Variants in C18orf32 observed in about 807,000 individuals in gnomAD.
The protein encoded by C18orf32 is chromosome 18 open reading frame 32, also known as UPF0729 protein C18orf32.
Under a neutral mutation model 7.4 loss-of-function variants are expected in C18orf32, and 5 were observed. That is an observed-to-expected ratio of 0.68 (90% CI 0.35 to 1.42). The LOEUF is 1.42. Ranked by LOEUF, C18orf32 falls within the 40% of genes most tolerant of loss-of-function variation. The pLI is 0.04. For synonymous variants in C18orf32, 30 were observed against 29.3 expected, an observed-to-expected ratio of 1.02 and a Z score of -0.08; for missense variants, 88 against 92.4, an observed-to-expected ratio of 0.95 and a Z score of 0.19.
intron 2 of C18orf32, 37 bp downstream of exon 2, chr18:49,483,547 T>G: frequency 1.3e-6 from 2 of 1,542,626 alleles, no homozygotes; most frequent in Non-Finnish European, 1.7e-6. Context: ...ACCACCCCCT[T>G]TCACTGCTCT....
rs2156499 is a variant in C18orf32, at chr18:49,480,864, G to A, written c.*1481C>T. The A allele has an allele frequency of 0.24, 36,631 of 151,996 alleles. 5,004 individuals are homozygous for A. The highest frequency in any genetic ancestry group is 0.37 in the Admixed American group (5,689 of 15,280). 9.4% of individuals were successfully genotyped at this position (151,996 alleles called of 1,614,324 possible). A position where few individuals can be genotyped will look rare whatever the true frequency, so the allele number is the denominator to read the frequency against. On this transcript the variant is annotated 3_prime_UTR_variant, in exon 3 of 3. Transcript: ENST00000318240. Reference sequence around the variant, plus strand: ...GGTTACACACAAAATCAACTGGGGCGGACTCTGGATGCACTGCCTATGAAT... The same window carrying A: ...GGTTACACACAAAATCAACTGGGGCAGACTCTGGATGCACTGCCTATGAAT...
Position 49,482,178 on chromosome 18 carries a change from C to A in C18orf32, c.*167G>T. 1 of 608,922 alleles carries A rather than the reference C, an allele frequency of 1.6e-6. No individual in the cohort carries two copies. Among genetic ancestry groups the A allele is most frequent in the South Asian group, 2.0e-5 (1 of 51,204 alleles). 37.7% of individuals were successfully genotyped at this position (608,922 alleles called of 1,614,324 possible). On this transcript the variant is annotated 3_prime_UTR_variant, in exon 3 of 3. Transcript: ENST00000318240. ...TGAGGTCATTAAATATAACTAACTA[C>A]ATTTTAAATACGGATATCATATATT... is the stretch of plus-strand genomic sequence containing the variant.
intron 2 of C18orf32, among the ~76,000 whole-genome samples, chr18:49,482,909 C>T (rs2148808582): frequency 6.6e-6 from 1 of 151,438 alleles, no homozygotes; most frequent in South Asian, 2.1e-4. Context: ...AGCAATTCTC[C>T]CACCTCAGCC....
Position 49,487,064 on chromosome 18 carries a change from C to T in C18orf32, c.-45G>A, listed in dbSNP as rs1342591393. 2.0e-5 allele frequency: 3 copies of T among 153,598 alleles called. No homozygotes were observed. The highest frequency in any genetic ancestry group is 6.5e-5 in the Admixed American group (1 of 15,302). The allele number at this position is 153,598 out of a possible 1,614,324, so 9.5% of individuals were successfully genotyped here. A position where few individuals can be genotyped will look rare whatever the true frequency, so the allele number is the denominator to read the frequency against. On this transcript the variant is annotated 5_prime_UTR_variant, in exon 1 of 3. Coordinates refer to ENST00000318240, the MANE Select transcript of C18orf32 (RefSeq NM_001035005.4). ...GTACCCTGAGAGCGAAGGCAGGCAC[C>T]GCGGAGGCCGGCGGGCCGCGACCGC... is the stretch of plus-strand genomic sequence containing the variant.
chr18:49,486,432 C>T (rs544970205), intron 1 of C18orf32: 1 of 152,226 alleles, frequency 6.6e-6, no homozygotes, highest in Non-Finnish European at 1.5e-5. Context: ...TAATCACTTA[C>T]GCCACAATTA....
Position 49,479,299 on chromosome 18 carries a change from G to C in C18orf32, c.*3046C>G, listed in dbSNP as rs991130746. 1 of 152,152 alleles carries C rather than the reference G, an allele frequency of 6.6e-6. No individual in the cohort carries two copies. 9.4% of individuals were successfully genotyped at this position (152,152 alleles called of 1,614,324 possible). The stretch of plus-strand genomic sequence containing the variant: ...AGGATAGGAAATCCAGAAACAAGAC[G>C]TCCAATACAGGAGGGTGGCAACAGA... On this transcript the variant is annotated 3_prime_UTR_variant, in exon 3 of 3. Transcript: ENST00000318240.
chr18:49,486,930 T>C (rs2083760608), intron 1 of C18orf32, 113 bp downstream of exon 1: 1 of 137,466 alleles, frequency 7.3e-6, no homozygotes, highest in African/African-American at 2.8e-5. Context: ...ATATAAAGTA[T>C]CGGAGAGGCA....
chr18:49,482,659 G>A (rs77901087), intron 2 of C18orf32, among the ~76,000 whole-genome samples: 54 of 151,532 alleles, frequency 3.6e-4, no homozygotes, highest in Non-Finnish European at 5.5e-4. Context: ...CCTGGGAGAC[G>A]GAAGTTGTGG....
rs2083666050 is a variant in C18orf32, at chr18:49,481,882, T to A, written c.*463A>T. On this transcript the variant is annotated 3_prime_UTR_variant, in exon 3 of 3. Coordinates refer to ENST00000318240, the MANE Select transcript of C18orf32 (RefSeq NM_001035005.4). ...GGACAGTAATTATTAAATCTTTATG[T>A]TTCACATCATTATTACCTCCCAAAA... is the stretch of plus-strand genomic sequence containing the variant. The A allele has an allele frequency of 6.2e-6, 1 of 160,828 alleles. No individual in the cohort carries two copies. Among genetic ancestry groups the A allele is most frequent in the Non-Finnish European group, 1.3e-5 (1 of 74,098 alleles). 10.0% of individuals were successfully genotyped at this position (160,828 alleles called of 1,614,324 possible).
At chr18:49,484,309 T>A (rs1449751487) in intron 1 of C18orf32, among the ~76,000 whole-genome samples, 1 of 150,022 alleles carries the variant, frequency 6.7e-6, no homozygotes, top group Non-Finnish European at 1.5e-5. Flanking sequence ...GGTAAAGAAA[T>A]AGGCCAGGTG....
rs1006806954 is a variant in C18orf32, at chr18:49,477,473, A to T, written c.*4872T>A. On this transcript the variant is annotated 3_prime_UTR_variant, in exon 3 of 3. Coordinates refer to ENST00000318240, the MANE Select transcript of C18orf32 (RefSeq NM_001035005.4). The stretch of plus-strand genomic sequence containing the variant: ...AATTATTCCCAATAAGGTATTACTA[A>T]CAATTAAGATATTAGTAGCTGTGGC... 1 of 150,204 alleles carries T rather than the reference A, an allele frequency of 6.7e-6. No individual in the cohort carries two copies. Among genetic ancestry groups the T allele is most frequent in the African/African-American group, 2.5e-5 (1 of 39,554 alleles). 9.3% of individuals were successfully genotyped at this position (150,204 alleles called of 1,614,324 possible).
Position 49,480,719 on chromosome 18 carries a change from C to T in C18orf32, c.*1626G>A, listed in dbSNP as rs2083653583. 1 of 151,840 alleles carries T rather than the reference C, an allele frequency of 6.6e-6. No individual in the cohort carries two copies. Among genetic ancestry groups the T allele is most frequent in the Non-Finnish European group, 1.5e-5 (1 of 67,958 alleles). The allele number at this position is 151,840 out of a possible 1,614,324, so 9.4% of individuals were successfully genotyped here. ...ACTGCAGGTCGAGGCCATAGAGAGC[C>T]GTGATCATGCTGCTGCACTCCAGCT... On this transcript the variant is annotated 3_prime_UTR_variant, in exon 3 of 3. Coordinates refer to ENST00000318240, the MANE Select transcript of C18orf32 (RefSeq NM_001035005.4).
At chr18:49,484,159 T>A (rs1476005520) in intron 1 of C18orf32, among the ~76,000 whole-genome samples, 6,250 of 49,328 alleles carry the variant, frequency 0.13, 305 homozygotes, top group African/African-American at 0.23. Flanking sequence ...TATATATATA[T>A]ATATATATAC....
chr18:49,484,161 T>A (rs1162341458), intron 1 of C18orf32, among the ~76,000 whole-genome samples: 20,171 of 74,584 alleles, frequency 0.27, 2,631 homozygotes, highest in Admixed American at 0.38. Context: ...TATATATATA[T>A]ATATATACAC....
chr18:49,484,617 GAAT>G (rs2148810220), intron 1 of C18orf32: 1 of 152,138 alleles, frequency 6.6e-6, no homozygotes, highest in African/African-American at 2.4e-5. Context: ...TGGTAGGCAT[GAAT>G]AATAATGAGG....
Position 49,478,548 on chromosome 18 carries a change from G to A in C18orf32, c.*3797C>T, listed in dbSNP as rs2148806083. 1 of 150,672 alleles carries A rather than the reference G, an allele frequency of 6.6e-6. No homozygotes were observed. The highest frequency in any genetic ancestry group is 6.6e-5 in the Admixed American group (1 of 15,264). 9.3% of individuals were successfully genotyped at this position (150,672 alleles called of 1,614,324 possible). On this transcript the variant is annotated 3_prime_UTR_variant, in exon 3 of 3. Coordinates refer to ENST00000318240, the MANE Select transcript of C18orf32 (RefSeq NM_001035005.4). The stretch of plus-strand genomic sequence containing the variant: ...CAAAGTGCTGGGATTATAGGCTTGA[G>A]TCACCGCCTCCGGTGGATCCTGTTT...
At chr18:49,484,397 C>A (rs2083712078) in intron 1 of C18orf32, 2 of 151,884 alleles carry the variant, frequency 1.3e-5, no homozygotes, top group Non-Finnish European at 2.9e-5. Flanking sequence ...TCGAGACCAG[C>A]CTGGCCAACA....
chr18:49,483,261 GT>G (rs369016521), intron 2 of C18orf32, among the ~76,000 whole-genome samples: 2,240 of 149,306 alleles, frequency 0.015, 48 homozygotes, highest in African/African-American at 0.049. Context: ...TAAAAAAATT[GT>G]TTTTTTTTTA....
At chr18:49,484,148 ATATATATAT>A (rs1341632529) in intron 1 of C18orf32, among the ~76,000 whole-genome samples, 5,594 of 105,792 alleles carry the variant, frequency 0.053, 258 homozygotes, top group East Asian at 0.092. Context: ...AAAAAAAAAA[ATATATATAT>A]ATATATATAT....
Sources: allele counts gnomAD v4.1 joint callset (sites outside exome capture counted in the v4.1 genomes callset), GRCh38; gene constraint gnomAD v4.1.1; transcripts MANE v1.5; gene names NCBI Gene and HGNC (gene_info 2026-07-23, HGNC 2026-07-21).